RCSD1: variants seen among roughly 807,000 people sequenced by gnomAD.
RCSD1 encodes the protein RCSD domain containing 1.
Under a neutral mutation model 42.5 loss-of-function variants are expected in RCSD1, and 26 were observed. The ratio of observed to expected loss-of-function variants is 0.61; its 90% CI spans 0.45 to 0.85. The LOEUF (loss-of-function observed/expected upper bound fraction) is 0.85. RCSD1 is among the 40% of genes least tolerant of loss of function. The pLI is 0.00. For missense variants in RCSD1, 571 were observed against 528.3 expected (o/e 1.08, Z -0.79); for synonymous variants, 220 against 212.2 (o/e 1.04, Z -0.32).
chr1:167,686,603 T>C (rs1659242840), intron 3 of RCSD1, among the ~76,000 whole-genome samples: 1 of 152,244 alleles, frequency 6.6e-6, no homozygotes, highest in African/African-American at 2.4e-5. Context: ...CCAAGGGTCT[T>C]ATTCTTGGAT....
intron 1 of RCSD1, among the ~76,000 whole-genome samples, chr1:167,671,194 C>G (rs1658799306): frequency 6.6e-6 from 1 of 152,226 alleles, no homozygotes; most frequent in Non-Finnish European, 1.5e-5. Context: ...ATTCAATAAA[C>G]TCCACATCTT....
chr1:167,694,129 C>T lies in RCSD1; in HGVS notation c.301C>T (p.Leu101=). ...ANLTFDPAAL[L]PGASPKSPGL... is the part of the protein sequence containing the mutation. The stretch of plus-strand genomic sequence containing the variant: ...TTTAACCTTTGACCCAGCTGCTCTA[C>T]TGCCTGGGGCCTCACCCAAGAGTCC... Residue 101 remains leucine, a synonymous_variant, in exon 5 of 7, where the codon CTG becomes TTG. Coordinates refer to ENST00000367854, the MANE Select transcript of RCSD1 (RefSeq NM_052862.4). The T allele has an allele frequency of 6.2e-7, 1 of 1,614,202 alleles. No homozygotes were observed. Among genetic ancestry groups the T allele is most frequent in the South Asian group, 1.1e-5 (1 of 91,086 alleles).
chr1:167,661,336 A>G (rs979551702), intron 1 of RCSD1, among the ~76,000 whole-genome samples: 3 of 152,170 alleles, frequency 2.0e-5, no homozygotes, highest in Admixed American at 2.0e-4. Context: ...CCCCTGGTGG[A>G]GTCCCTGGTT....
chr1:167,676,723 A>G (rs1164230990), intron 1 of RCSD1, among the ~76,000 whole-genome samples: 1 of 152,170 alleles, frequency 6.6e-6, no homozygotes, highest in Non-Finnish European at 1.5e-5. Flanking sequence ...GACACTAGCC[A>G]TCACTACTAA....
intron 1 of RCSD1, chr1:167,640,687 C>T (rs1657983509): frequency 6.6e-6 from 1 of 152,240 alleles, no homozygotes; most frequent in African/African-American, 2.4e-5. Flanking sequence ...AGTAGCTGGA[C>T]TATAGGCGTG....
chr1:167,688,458 A>G (rs1343588825), intron 3 of RCSD1, among the ~76,000 whole-genome samples: 1 of 152,040 alleles, frequency 6.6e-6, no homozygotes, highest in African/African-American at 2.4e-5. Context: ...AGCTCCTTGA[A>G]AGACTGCTAT....
chr1:167,674,936 G>A (rs907046636), intron 1 of RCSD1, among the ~76,000 whole-genome samples: 1 of 152,110 alleles, frequency 6.6e-6, no homozygotes, highest in East Asian at 1.9e-4. Context: ...GCCGGGTGCG[G>A]TGGCTCACAC....
chr1:167,683,703 G>A (rs75035923), intron 1 of RCSD1, among the ~76,000 whole-genome samples, 197 bp from the exon 2 acceptor site: 2,712 of 152,214 alleles, frequency 0.018, 82 homozygotes, highest in African/African-American at 0.061. Context: ...GCCACACCCC[G>A]GGCCAAGAGC....
intron 6 of RCSD1, among the ~76,000 whole-genome samples, chr1:167,701,884 C>T (rs1323202225): frequency 6.6e-6 from 1 of 152,194 alleles, no homozygotes; most frequent in Non-Finnish European, 1.5e-5. Context: ...AGGTTGACCC[C>T]TTGAGTTATG....
At chr1:167,635,180 GACCC>G (rs1321150626) in intron 1 of RCSD1, among the ~76,000 whole-genome samples, 1 of 151,852 alleles carries the variant, frequency 6.6e-6, no homozygotes, top group Non-Finnish European at 1.5e-5. Context: ...GCTGTTTTTT[GACCC>G]ACCCACCCTC....
intron 1 of RCSD1, among the ~76,000 whole-genome samples, chr1:167,657,670 T>C (rs1471601855): frequency 6.6e-6 from 1 of 152,192 alleles, no homozygotes; most frequent in East Asian, 1.9e-4. Flanking sequence ...GGTTTTGATA[T>C]GCTGAGCAGA....
intron 1 of RCSD1, among the ~76,000 whole-genome samples, chr1:167,681,645 T>C (rs921420937): frequency 6.6e-6 from 1 of 152,194 alleles, no homozygotes; most frequent in Non-Finnish European, 1.5e-5. Flanking sequence ...GAATTTATCT[T>C]CCTGCTCCAC....
chr1:167,639,248 A>AAGAC (rs111430482), intron 1 of RCSD1, among the ~76,000 whole-genome samples: 4 of 151,512 alleles, frequency 2.6e-5, no homozygotes, highest in African/African-American at 9.7e-5. Flanking sequence ...AGCAAAAACA[A>AAGAC]AAACAAACAA....
chr1:167,635,751 A>G (rs2102193472), intron 1 of RCSD1, among the ~76,000 whole-genome samples: 1 of 152,300 alleles, frequency 6.6e-6, no homozygotes, highest in South Asian at 2.1e-4. Flanking sequence ...CTCTGGGTGA[A>G]ATAAAACAAT....
Position 167,697,767 on chromosome 1 carries a change from C to T in RCSD1, c.1143C>T (p.Cys381=). 1 of 1,519,236 alleles carries T rather than the reference C, an allele frequency of 6.6e-7. No homozygotes were observed. The highest frequency in any genetic ancestry group is 1.3e-5 in the South Asian group (1 of 74,990). 94.1% of individuals were successfully genotyped at this position (1,519,236 alleles called of 1,614,324 possible). ...QQEGAVLEPG[C]SPQTGPAQLE... is the part of the protein sequence containing the mutation. Reference sequence around the variant, plus strand: ...AGGGGGCAGTGCTCGAGCCAGGCTGCAGCCCCCAGACCGGCCCTGCCCAGC... The same window carrying T: ...AGGGGGCAGTGCTCGAGCCAGGCTGTAGCCCCCAGACCGGCCCTGCCCAGC... Residue 381 remains cysteine (C), a synonymous_variant, in exon 6 of 7, where the codon TGC becomes TGT. Transcript: ENST00000367854.
chr1:167,680,124 G>A (rs1266190777), intron 1 of RCSD1, among the ~76,000 whole-genome samples: 1 of 152,064 alleles, frequency 6.6e-6, no homozygotes, highest in Non-Finnish European at 1.5e-5. Context: ...CAAGACCTGG[G>A]CCCAGGAAGA....
intron 1 of RCSD1, among the ~76,000 whole-genome samples, chr1:167,654,948 G>A (rs559954507): frequency 1.3e-5 from 2 of 152,262 alleles, no homozygotes; most frequent in African/African-American, 4.8e-5. Context: ...CTGCTCCTGA[G>A]TTCAGCTGGG....
chr1:167,637,677 G>A (rs1458352586), intron 1 of RCSD1, among the ~76,000 whole-genome samples: 1 of 151,866 alleles, frequency 6.6e-6, no homozygotes, highest in African/African-American at 2.4e-5. Context: ...TCACCAAAAA[G>A]CCACCCCAAG....
At chr1:167,680,359 T>C (rs1553250791) in intron 1 of RCSD1, among the ~76,000 whole-genome samples, 1 of 152,028 alleles carries the variant, frequency 6.6e-6, no homozygotes, top group Non-Finnish European at 1.5e-5. Flanking sequence ...TCAGTGACTT[T>C]GTGAGCAGGT....
Sources: gnomAD v4.1 joint callset for allele counts (sites outside exome capture counted in the v4.1 genomes callset) on GRCh38, gnomAD v4.1.1 for gene constraint, MANE v1.5 for transcripts, NCBI Gene and HGNC (gene_info 2026-07-23, HGNC 2026-07-21) for gene names.